The following CYB5R2 variants were observed in gnomAD, a reference collection of about 807,000 sequenced individuals.
CYB5R2 encodes NADH-cytochrome b5 reductase 2.
Under a neutral mutation model 29.8 loss-of-function variants are expected in CYB5R2, and 35 were observed. The observed-to-expected ratio is 1.17, with a 90% CI of 0.90 to 1.56. The LOEUF (loss-of-function observed/expected upper bound fraction) is 1.56, where lower values mean the gene tolerates loss of function less well. CYB5R2 is among the 40% of genes most tolerant of loss of function. The probability of loss-of-function intolerance (pLI) is 0.00; values close to 1 mark genes in which losing one functional copy is unlikely to be tolerated. For missense variants in CYB5R2, 419 were observed against 346.7 expected, an observed-to-expected ratio of 1.21 and a Z score of -1.66; for synonymous variants, 169 against 130.6, an observed-to-expected ratio of 1.29 and a Z score of -2.01.
intron 8 of CYB5R2, chr11:7,665,975 A>T: frequency 6.8e-7 from 1 of 1,467,820 alleles, no homozygotes; most frequent in Non-Finnish European, 9.2e-7. Context: ...GAGCAGTGTG[A>T]GAGGCGCGCC....
At chr11:7,673,252 C>A in intron 1 of CYB5R2, 167 bp downstream of exon 1, 2 of 560,040 alleles carry the variant, frequency 3.6e-6, no homozygotes, top group East Asian at 1.5e-4. Context: ...AACACACAAT[C>A]CGGAATGAGG....
chr11:7,673,991 G>C, upstream of CYB5R2: 1 of 1,138,640 alleles, frequency 8.8e-7, no homozygotes, highest in East Asian at 7.9e-5. Context: ...CCAGGGCAGC[G>C]CTCCATCATG....
upstream of CYB5R2, chr11:7,673,936 G>A (rs1855929739): frequency 9.0e-6 from 9 of 1,000,964 alleles, no homozygotes; most frequent in East Asian, 3.4e-4. Context: ...GCCGTGGTCG[G>A]GGGGCTCTCA....
intron 3 of CYB5R2, chr11:7,670,195 T>C (rs921217986): frequency 5.8e-6 from 1 of 173,044 alleles, no homozygotes; most frequent in African/African-American, 2.4e-5. Flanking sequence ...TACAAAAAAA[T>C]ACAAAAAATT....
At chr11:7,673,800 C>A, upstream of CYB5R2, 3 of 987,850 alleles carry the variant, frequency 3.0e-6, no homozygotes, top group Non-Finnish European at 3.6e-6. Flanking sequence ...CTCGTGGCGT[C>A]GCCCCGCAGC....
chr11:7,672,172 G>A (rs1855784559), intron 3 of CYB5R2: 3 of 413,408 alleles, frequency 7.3e-6, no homozygotes, highest in African/African-American at 4.0e-5. Context: ...TCCCCAGCAA[G>A]GAGCCTTCCA....
chr11:7,673,316 G>T, intron 1 of CYB5R2, 103 bp downstream of exon 1: 1 of 989,494 alleles, frequency 1.0e-6, no homozygotes. Flanking sequence ...GGTGCCCCGT[G>T]ACTTAGGGCC....
At chr11:7,669,878 A>C (rs1855621283) in intron 3 of CYB5R2, 147 bp from the exon 4 acceptor site, 1 of 642,724 alleles carries the variant, frequency 1.6e-6, no homozygotes, top group Non-Finnish European at 2.7e-6. Flanking sequence ...AAGGAACCCA[A>C]ATATGGGATG....
chr11:7,672,585 G>C (rs944648666), intron 2 of CYB5R2, 62 bp from the exon 3 acceptor site: 14 of 1,559,544 alleles, frequency 9.0e-6, no homozygotes, highest in Non-Finnish European at 1.1e-5. Context: ...GGGCAGCTGA[G>C]ATGCCTGGGA....
intron 3 of CYB5R2, chr11:7,672,191 T>C: frequency 2.2e-6 from 1 of 449,744 alleles, no homozygotes; most frequent in South Asian, 4.4e-5. Flanking sequence ...CATGAGATTT[T>C]AGGCCTTTTG....
At position 7,669,230 on chromosome 11, in the gene CYB5R2, C is replaced by A. The variant is rs766925880; in HGVS notation, c.363G>T (p.Arg121Ser). 4.3e-6 allele frequency: 7 copies of A among 1,614,138 alleles called. No homozygotes were observed. The highest frequency in any genetic ancestry group is 5.9e-6 in the Non-Finnish European group (7 of 1,180,018). The change falls in exon 5 of 9, where the codon AGG (arginine) becomes AGT (serine). Residue 121 changes from arginine to serine, a missense_variant. Coordinates refer to ENST00000299498, the MANE Select transcript of CYB5R2 (RefSeq NM_016229.5). ...IGETIFFRGPRGRLFYHGPGN... is the reference protein window; with the variant it reads ...IGETIFFRGPSGRLFYHGPGN... ...CTGGCCCATGGTAAAACAAGCGTCC[C>A]CTTGGCCCTCGAAAAAAGATGGTCT...
In CYB5R2 at chr11:7,666,830, C is replaced by A. The variant is rs1355579880; in HGVS notation, c.559-280G>T. On this transcript the variant is annotated intron_variant, in intron 7 of 8. Transcript: ENST00000299498. ...TCCAACTAGAAGGACCTTAGCCAAG[C>A]GCTGGCCAGGATGGCTTCACTCGGA... 5.1e-5 allele frequency: 15 copies of A among 293,038 alleles called. No homozygotes were observed. In the Admixed American group the frequency reaches 7.1e-4, roughly 14 times the overall value. 18.2% of individuals were successfully genotyped at this position (293,038 alleles called of 1,614,324 possible). A position where few individuals can be genotyped will look rare whatever the true frequency, so the allele number is the denominator to read the frequency against.
At chr11:7,667,523 G>A (rs1855377730) in intron 7 of CYB5R2, 1 of 544,016 alleles carries the variant, frequency 1.8e-6, no homozygotes, top group Non-Finnish European at 3.3e-6. Context: ...GGCTGGCTGA[G>A]GAGACACAAA....
chr11:7,673,013 T>C (rs1253954537), intron 1 of CYB5R2, 122 bp from the exon 2 acceptor site: 18 of 958,890 alleles, frequency 1.9e-5, no homozygotes, highest in Non-Finnish European at 2.2e-5. Flanking sequence ...CTGCAGGAAA[T>C]AGGCAAAGAG....
At position 7,667,731 on chromosome 11, in the gene CYB5R2, GT is replaced by G. The variant is rs1303236003; in HGVS notation, c.554del (p.Asn185ThrfsTer48). ...TGCAAGCTCAGCAGGAACTGACCTG[GT>G]TGGCAAAGATGAGGGACATCCTGGT... is the stretch of plus-strand genomic sequence containing the variant. Reference protein sequence around the residue: ...DRTRMSLIFANQTEEDILVRK... With the variant: ...DRTRMSLIFAXQTEEDILVRK... On this transcript the variant is annotated frameshift_variant, in exon 7 of 9. Transcript: ENST00000299498. LOFTEE classifies it high-confidence loss of function. 7 of 1,613,692 alleles carry G rather than the reference GT, an allele frequency of 4.3e-6. No individual in the cohort carries two copies. In the South Asian group the frequency reaches 7.7e-5, roughly 18 times the overall value.
intron 1 of CYB5R2, 57 bp from the exon 2 acceptor site, chr11:7,672,948 G>A: frequency 3.9e-6 from 6 of 1,519,336 alleles, no homozygotes; most frequent in South Asian, 2.4e-5. Flanking sequence ...GGACAGGGCA[G>A]CTCTCAGGCG....
rs1412518597 is a variant in CYB5R2, at chr11:7,665,561, A to C, written c.659-15T>G. On this transcript the variant is annotated splice_polypyrimidine_tract_variant and intron_variant, in intron 8 of 8. Transcript: ENST00000299498. ...GTACTTCCAGCCTGAAATGAAGGAG[A>C]TGCAGGAGCAAGCTGAGCGATGCCA... 1.9e-6 allele frequency: 3 copies of C among 1,589,802 alleles called. No homozygotes were observed. Among genetic ancestry groups the C allele is most frequent in the East Asian group, 4.5e-5 (2 of 44,730 alleles).
At chr11:7,670,010 T>C in intron 3 of CYB5R2, 1 of 383,172 alleles carries the variant, frequency 2.6e-6, no homozygotes, top group South Asian at 2.9e-5. Flanking sequence ...GTGATCTTAG[T>C]GTAACTGCTT....
At chr11:7,666,617 C>T in intron 7 of CYB5R2, 67 bp from the exon 8 acceptor site, 2 of 1,192,746 alleles carry the variant, frequency 1.7e-6, no homozygotes, top group Non-Finnish European at 2.5e-6. Flanking sequence ...ACTGACTACA[C>T]CGGTCAGCAT....
Sources: allele counts gnomAD v4.1 joint callset, GRCh38; gene constraint gnomAD v4.1.1; transcripts MANE v1.5; gene names NCBI Gene and HGNC (gene_info 2026-07-23, HGNC 2026-07-21).